DDX20: variants seen among roughly 807,000 people sequenced by gnomAD.
DDX20 encodes the protein probable ATP-dependent RNA helicase DDX20.
A neutral mutation model predicts 76.4 loss-of-function variants in DDX20; 61 were observed. That is an observed-to-expected ratio of 0.80 (90% CI 0.65 to 0.99). DDX20 has a LOEUF of 0.99. Among genes scored for constraint, DDX20 ranks in the 50% least tolerant of loss-of-function variants. The probability of loss-of-function intolerance (pLI) is 0.00; values close to 1 mark genes in which losing one functional copy is unlikely to be tolerated. For synonymous variants in DDX20, 357 were observed against 357.4 expected, an observed-to-expected ratio of 1.00 and a Z score of 0.01; for missense variants, 976 against 996.8, an observed-to-expected ratio of 0.98 and a Z score of 0.28.
chr1:111,761,361 C>T, intron 7 of DDX20, 77 bp downstream of exon 7: 1 of 1,184,128 alleles, frequency 8.4e-7, no homozygotes, highest in Non-Finnish European at 1.2e-6. Context: ...AAAAATACCA[C>T]TTTATGAGTT....
rs771043230 is a variant in DDX20, at chr1:111,763,012, ATTTCATCTG to A, written c.1312+12_1312+20del. 15 of 1,590,550 alleles carry A rather than the reference ATTTCATCTG, an allele frequency of 9.4e-6. No homozygotes were observed. The highest frequency in any genetic ancestry group is 1.2e-5 in the Non-Finnish European group (14 of 1,159,470). On this transcript the variant is annotated splice_donor_region_variant and intron_variant, in intron 10 of 10. Transcript: ENST00000369702. ...TCAACCTTCTCCCTTTACCAGGTACATTTCATCTGTTTCATTATTTCAAAATAATTATAG... is the reference window on the plus strand; with the variant it reads ...TCAACCTTCTCCCTTTACCAGGTACATTTCATTATTTCAAAATAATTATAG...
At position 111,755,952 on chromosome 1, in the gene DDX20, G is replaced by A; in HGVS notation, c.28G>A (p.Ala10Thr). 1 of 1,588,598 alleles carries A rather than the reference G, an allele frequency of 6.3e-7. No individual in the cohort carries two copies. The highest frequency in any genetic ancestry group is 8.6e-7 in the Non-Finnish European group (1 of 1,162,872). The change falls in exon 1 of 11, where the codon GCC becomes ACC. Residue 10 changes from alanine (A) to threonine (T), a missense_variant. Around this residue, in one of 3 missense-constraint regions of DDX20, gnomAD observed 343 missense variants for 286.4 expected, o/e 1.20. Coordinates refer to ENST00000369702, the MANE Select transcript of DDX20 (RefSeq NM_007204.5). MAAAFEASG[A>T]LAAVATAMPA... ...GGCGGCGGCATTTGAAGCCTCGGGA[G>A]CCTTAGCAGCAGTGGCGACTGCTAT... is the stretch of plus-strand genomic sequence containing the variant.
Position 111,756,626 on chromosome 1 carries a change from A to G in DDX20, c.302-20A>G. On this transcript the variant is annotated intron_variant, in intron 1 of 10. Transcript: ENST00000369702. The stretch of plus-strand genomic sequence containing the variant: ...CTTCAGTGAGTACTGGCTAGTGATA[A>G]TTGTTTTTTTCCTTCGCAGATTTAA... 6.2e-7 allele frequency: 1 copy of G among 1,611,420 alleles called. No homozygotes were observed. The highest frequency in any genetic ancestry group is 8.5e-7 in the Non-Finnish European group (1 of 1,177,682).
rs1158714683 is a variant in DDX20, at chr1:111,763,021, G to A, written c.1312+14G>A. 1 of 1,572,712 alleles carries A rather than the reference G, an allele frequency of 6.4e-7. No homozygotes were observed. Among genetic ancestry groups the A allele is most frequent in the Non-Finnish European group, 8.7e-7 (1 of 1,143,902 alleles). On this transcript the variant is annotated intron_variant, in intron 10 of 10. Transcript: ENST00000369702. The stretch of plus-strand genomic sequence containing the variant: ...TCCCTTTACCAGGTACATTTCATCT[G>A]TTTCATTATTTCAAAATAATTATAG...
At chr1:111,756,339 G>T in intron 1 of DDX20, 114 bp downstream of exon 1, 1 of 1,129,168 alleles carries the variant, frequency 8.9e-7, no homozygotes, top group Non-Finnish European at 1.2e-6. Flanking sequence ...TCGGCCCCCG[G>T]AGCAGGGCCC....
Position 111,765,904 on chromosome 1 carries a change from G to A in DDX20, c.1480G>A (p.Ala494Thr). 6.2e-7 allele frequency: 1 copy of A among 1,613,882 alleles called. No individual in the cohort carries two copies. Residue 494 changes from alanine to threonine, a missense_variant, in exon 11 of 11, where the codon GCT (alanine) becomes ACT (threonine). By Grantham distance (58) the Ala-to-Thr change is moderately conservative. Transcript: ENST00000369702. ...QIQKAHGDHM[A>T]SSRNNSVSGL... ...TCAGAAAGCTCATGGTGACCACATG[G>A]CTTCCTCTAGAAATAATTCTGTATC...
At chr1:111,761,673 T>A (rs1004128953) in intron 7 of DDX20, 1 of 157,616 alleles carries the variant, frequency 6.3e-6, no homozygotes, top group African/African-American at 2.4e-5. Context: ...ATTGACTGTT[T>A]TATGGTTTTG....
intron 10 of DDX20, among the ~76,000 whole-genome samples, chr1:111,765,312 C>T (rs1315837270): frequency 1.3e-5 from 2 of 152,074 alleles, no homozygotes; most frequent in Non-Finnish European, 2.9e-5. Context: ...GTTGGGTGTA[C>T]AGAGTTGCAG....
In DDX20 at chr1:111,761,012, C is replaced by A; in HGVS notation, c.849C>A (p.Val283=). ...LIGLKQYYKV[V]NSYPLAHKVF... is the part of the protein sequence containing the mutation. ...GTTTGAAGCAGTATTACAAAGTTGT[C>A]AATTCATACCCTTTGGCACATAAGG... The change falls in exon 6 of 11, where the codon GTC becomes GTA. Residue 283 remains valine (V), a synonymous_variant. Coordinates refer to ENST00000369702, the MANE Select transcript of DDX20 (RefSeq NM_007204.5). 6.2e-7 allele frequency: 1 copy of A among 1,613,740 alleles called. No individual in the cohort carries two copies. The highest frequency in any genetic ancestry group is 8.5e-7 in the Non-Finnish European group (1 of 1,179,872).
rs1359005547 is a variant in DDX20 at position 111,760,492 on chromosome 1, T to A, written c.584T>A (p.Ile195Lys). 2 of 1,597,846 alleles carry A rather than the reference T, an allele frequency of 1.3e-6. No individual in the cohort carries two copies. Among genetic ancestry groups the A allele is most frequent in the Non-Finnish European group, 1.7e-6 (2 of 1,175,780 alleles). The change falls in exon 4 of 11, where the codon ATA (isoleucine) becomes AAA (lysine). Residue 195 changes from isoleucine (I) to lysine (K), a missense_variant. Coordinates refer to ENST00000369702, the MANE Select transcript of DDX20 (RefSeq NM_007204.5). Reference sequence around the variant, plus strand: ...TAATTAGGCAGAATTAAGCAACTCATAGAACTTGACTACTTGAACCCAGGC... The same window carrying A: ...TAATTAGGCAGAATTAAGCAACTCAAAGAACTTGACTACTTGAACCCAGGC... ...VGSPGRIKQL[I>K]ELDYLNPGSI...
intron 2 of DDX20, among the ~76,000 whole-genome samples, chr1:111,757,567 T>C (rs537281297): frequency 6.6e-6 from 1 of 152,364 alleles, no homozygotes; most frequent in East Asian, 1.9e-4. Flanking sequence ...CTCATAGCCT[T>C]ACTTGGTAGT....
At chr1:111,764,800 G>A (rs1188821294) in intron 10 of DDX20, among the ~76,000 whole-genome samples, 2 of 152,184 alleles carry the variant, frequency 1.3e-5, no homozygotes, top group African/African-American at 4.8e-5. Flanking sequence ...ATTGGACTGG[G>A]AACTTGTGTA....
intron 7 of DDX20, chr1:111,761,628 TAA>T: frequency 6.1e-6 from 1 of 164,100 alleles, no homozygotes; most frequent in Non-Finnish European, 1.3e-5. Flanking sequence ...TTTTTTTTTT[TAA>T]TAATTGTTAA....
In DDX20 at chr1:111,759,499, A is replaced by G. The variant is rs1489073565; in HGVS notation, c.496A>G (p.Ile166Val). 2 of 1,614,016 alleles carry G rather than the reference A, an allele frequency of 1.2e-6. No homozygotes were observed. The highest frequency in any genetic ancestry group is 1.7e-6 in the Non-Finnish European group (2 of 1,179,942). The part of the protein sequence containing the change: ...KMEGLECHVF[I>V]GGTPLSQDKT... The stretch of plus-strand genomic sequence containing the variant: ...GGAAGGCTTAGAGTGTCATGTCTTT[A>G]TTGGAGGGACCCCATTATCACAAGA... Residue 166 changes from isoleucine to valine, a missense_variant, in exon 3 of 11, where the codon ATT becomes GTT. Physicochemically the swap from Ile to Val is conservative, Grantham distance 29. Transcript: ENST00000369702.
chr1:111,756,739 A>G lies in DDX20; in HGVS notation c.395A>G (p.Gln132Arg), dbSNP rs755000185. 3.1e-6 allele frequency: 5 copies of G among 1,613,360 alleles called. No individual in the cohort carries two copies. The highest frequency in any genetic ancestry group is 3.3e-4 in the Middle Eastern group (2 of 6,058). The change falls in exon 2 of 11, where the codon CAG (glutamine) becomes CGG (arginine). Residue 132 changes from glutamine to arginine, a missense_variant and splice_region_variant. Physicochemically the swap from Gln to Arg is conservative, Grantham distance 43 (BLOSUM62 1). This residue lies in a region of DDX20 where 343 missense variants were observed against 286.4 expected (regional missense o/e 1.20). Transcript: ENST00000369702. ...DSLVLENLST[Q>R]ILILAPTREI... ...CTTGTTCTTGAAAACTTAAGTACCC[A>G]GGTGAGTTAGCTGAGAGGACCAGAG...
At chr1:111,762,823 G>A in intron 9 of DDX20, 41 bp downstream of exon 9, 1 of 1,590,972 alleles carries the variant, frequency 6.3e-7, no homozygotes, top group Non-Finnish European at 8.6e-7. Context: ...TCTTTAAGGG[G>A]AGGGATCTAT....
chr1:111,759,704 G>T (rs1380881274), intron 3 of DDX20, 136 bp downstream of exon 3: 1 of 949,542 alleles, frequency 1.1e-6, no homozygotes, highest in East Asian at 2.8e-5. Flanking sequence ...GCCGGGCGCG[G>T]TGGCTCACGC....
In DDX20 at chr1:111,760,491, A is replaced by G. The variant is rs984248547; in HGVS notation, c.583A>G (p.Ile195Val). 10 of 1,597,988 alleles carry G rather than the reference A, an allele frequency of 6.3e-6. No individual in the cohort carries two copies. Among genetic ancestry groups the G allele is most frequent in the African/African-American group, 5.4e-5 (4 of 73,690 alleles). ...TTAATTAGGCAGAATTAAGCAACTC[A>G]TAGAACTTGACTACTTGAACCCAGG... Reference protein sequence around the residue: ...VGSPGRIKQLIELDYLNPGSI... With the variant: ...VGSPGRIKQLVELDYLNPGSI... Residue 195 changes from isoleucine to valine, a missense_variant, in exon 4 of 11, where the codon ATA (isoleucine) becomes GTA (valine). Physicochemically the swap from Ile to Val is conservative, Grantham distance 29. Around this residue, in one of 3 missense-constraint regions of DDX20, gnomAD observed 343 missense variants for 286.4 expected, o/e 1.20. Transcript: ENST00000369702.
Position 111,756,733 on chromosome 1 carries a change from G to GT in DDX20, c.390dup (p.Thr131TyrfsTer49). 1 of 1,613,870 alleles carries GT rather than the reference G, an allele frequency of 6.2e-7. No homozygotes were observed. Among genetic ancestry groups the GT allele is most frequent in the Non-Finnish European group, 8.5e-7 (1 of 1,179,780 alleles). Reference sequence around the variant, plus strand: ...GACTCTCTTGTTCTTGAAAACTTAAGTACCCAGGTGAGTTAGCTGAGAGGA... The same window carrying GT: ...GACTCTCTTGTTCTTGAAAACTTAAGTTACCCAGGTGAGTTAGCTGAGAGGA... On this transcript the variant is annotated frameshift_variant, in exon 2 of 11. Transcript: ENST00000369702. LOFTEE classifies it high-confidence loss of function.
Sources: gnomAD v4.1 joint callset for allele counts (sites outside exome capture counted in the v4.1 genomes callset) on GRCh38, gnomAD v4.1.1 for gene constraint, gnomAD v4.1.1 regional missense constraint, MANE v1.5 for transcripts, NCBI Gene and HGNC (gene_info 2026-07-23, HGNC 2026-07-21) for gene names.